DNAH10: variants seen among roughly 807,000 people sequenced by gnomAD.
DNAH10 encodes dynein axonemal heavy chain 10, also known as axonemal beta dynein heavy chain 10.
A neutral mutation model predicts 506.6 loss-of-function variants in DNAH10; 348 were observed. The ratio of observed to expected loss-of-function variants is 0.69; its 90% CI spans 0.63 to 0.75. DNAH10 has a LOEUF of 0.75. DNAH10 is among the 30% of genes least tolerant of loss of function. DNAH10 has a pLI of 0.00. For synonymous variants in DNAH10, 2,059 were observed against 2,198.6 expected, an observed-to-expected ratio of 0.94 and a Z score of 1.78; for missense variants, 5,179 against 5,787.1, an observed-to-expected ratio of 0.89 and a Z score of 3.41.
chr12:123,800,377 C>T lies in DNAH10; in HGVS notation c.2451C>T (p.Asp817=), dbSNP rs1202337524. The T allele has an allele frequency of 6.2e-7, 1 of 1,612,532 alleles. No individual in the cohort carries two copies. Among genetic ancestry groups the T allele is most frequent in the South Asian group, 1.1e-5 (1 of 90,800 alleles). ...ELARNVALQE[D]KFLRYTAGIQ... ...CAAGAAATGTTGCTCTCCAGGAAGACAAATTCCTTAGGTAAAAAAATTCTT... is the reference window on the plus strand; with the variant it reads ...CAAGAAATGTTGCTCTCCAGGAAGATAAATTCCTTAGGTAAAAAAATTCTT... The change falls in exon 15 of 79, where the codon GAC becomes GAT. Residue 817 remains aspartate, a synonymous_variant. Transcript: ENST00000673944.
intron 5 of DNAH10, 78 bp from the exon 6 acceptor site, chr12:123,781,002 C>T: frequency 2.3e-6 from 2 of 888,016 alleles, no homozygotes; most frequent in Non-Finnish European, 3.2e-6. Flanking sequence ...AAAGAATATT[C>T]AAAACCAGAG....
rs1296820409 is a variant in DNAH10, at chr12:123,820,719, T to C, written c.4140T>C (p.Ser1380=). ...PELLKVQKEM[S]GLRMIYELYE... is the part of the protein sequence containing the mutation. ...TGCTGAAAGTGCAGAAGGAAATGAG[T>C]GGGCTGAGGATGATTTACGAGCTCT... Residue 1380 remains serine, a synonymous_variant, in exon 24 of 79, where the codon AGT becomes AGC. Coordinates refer to ENST00000673944, the MANE Select transcript of DNAH10 (RefSeq NM_001372106.1). The C allele has an allele frequency of 3.7e-6, 6 of 1,613,606 alleles. No homozygotes were observed. The highest frequency in any genetic ancestry group is 4.5e-5 in the East Asian group (2 of 44,874).
rs759880079 is a variant in DNAH10 at position 123,833,182 on chromosome 12, A to G, written c.4614A>G (p.Thr1538=). ...CTGTAGTCAAGTATTGCAAAGGCAC[A>G]CAGGAGCGAGGCTACATCCTGGGTT... ...KFTVVKYCKG[T]QERGYILGSV... Residue 1538 remains threonine (T), a synonymous_variant, in exon 27 of 79, where the codon ACA becomes ACG. Transcript: ENST00000673944. 6.2e-6 allele frequency: 10 copies of G among 1,613,502 alleles called. No homozygotes were observed. The South Asian group carries it at 9.9e-5, about 16-fold the overall frequency.
chr12:123,788,096 C>G (rs914315044), intron 10 of DNAH10, 94 bp downstream of exon 10: 3 of 1,396,484 alleles, frequency 2.1e-6, no homozygotes, highest in Middle Eastern at 2.4e-4. Flanking sequence ...AGCTGGGCGT[C>G]AGAAAGGGCC....
intron 51 of DNAH10, among the ~76,000 whole-genome samples, chr12:123,886,636 G>A (rs1468537609): frequency 1.3e-5 from 2 of 151,390 alleles, no homozygotes; most frequent in South Asian, 2.1e-4. Flanking sequence ...GGTTGAGGGA[G>A]GTAGGGAACA....
intron 5 of DNAH10, among the ~76,000 whole-genome samples, chr12:123,776,180 C>G (rs1232556816): frequency 6.6e-6 from 1 of 151,948 alleles, no homozygotes; most frequent in African/African-American, 2.4e-5. Flanking sequence ...CAAACCACAT[C>G]AAGGGTGATG....
intron 65 of DNAH10, chr12:123,923,127 A>G (rs1157145748): frequency 6.6e-6 from 1 of 152,210 alleles, no homozygotes; most frequent in Non-Finnish European, 1.5e-5. Flanking sequence ...TTTTGCATCC[A>G]TTAATAAAGA....
chr12:123,803,849 C>A (rs1425554154), intron 17 of DNAH10, 24 bp downstream of exon 17: 1 of 1,597,752 alleles, frequency 6.3e-7, no homozygotes, highest in African/African-American at 1.4e-5. Flanking sequence ...CTGGGTTCTC[C>A]AGTTATGGAA....
In DNAH10 at chr12:123,800,268, C is replaced by T. The variant is rs767358777; in HGVS notation, c.2342C>T (p.Ala781Val). 32 of 1,613,856 alleles carry T rather than the reference C, an allele frequency of 2.0e-5. No individual in the cohort carries two copies. The highest frequency in any genetic ancestry group is 2.5e-5 in the Non-Finnish European group (29 of 1,179,962). Reference sequence around the variant, plus strand: ...ACTTTAGAAAGGGGAGCTGTTTTTGCAATCAACTTTTCACCGGCTCTCAGA... The same window carrying T: ...ACTTTAGAAAGGGGAGCTGTTTTTGTAATCAACTTTTCACCGGCTCTCAGA... ...PSTLERGAVFAINFSPALREI... is the reference protein window; with the variant it reads ...PSTLERGAVFVINFSPALREI... Residue 781 changes from alanine (A) to valine (V), a missense_variant, in exon 15 of 79, where the codon GCA becomes GTA. Transcript: ENST00000673944.
At chr12:123,797,930 G>A (rs563130650) in intron 13 of DNAH10, among the ~76,000 whole-genome samples, 5 of 152,212 alleles carry the variant, frequency 3.3e-5, no homozygotes, top group South Asian at 2.1e-4. Context: ...TCTCTGCAAC[G>A]ACTCAACCTG....
chr12:123,793,431 T>C (rs972249862), intron 11 of DNAH10, among the ~76,000 whole-genome samples: 3 of 150,908 alleles, frequency 2.0e-5, no homozygotes, highest in Non-Finnish European at 4.4e-5. Flanking sequence ...CTCCACCTCC[T>C]GGGTTCACAC....
chr12:123,766,037 T>G (rs933843827), intron 1 of DNAH10, among the ~76,000 whole-genome samples: 2 of 152,108 alleles, frequency 1.3e-5, no homozygotes, highest in African/African-American at 4.8e-5. Flanking sequence ...TCTATCTCTG[T>G]CTATACATCT....
chr12:123,914,976 AAAG>A lies in DNAH10; in HGVS notation c.10701_10703del (p.Glu3569del), dbSNP rs766186745. ...GCAGGCCCTCAACTGGATCAAGAGA[AAAG>A]AGGAGAAGAACAATCTGCGGGTATG... On this transcript the variant is annotated inframe_deletion, in exon 62 of 79. Coordinates refer to ENST00000673944, the MANE Select transcript of DNAH10 (RefSeq NM_001372106.1). 9.9e-6 allele frequency: 16 copies of A among 1,610,148 alleles called. No homozygotes were observed. The highest frequency in any genetic ancestry group is 1.3e-5 in the Non-Finnish European group (15 of 1,178,270).
Position 123,846,286 on chromosome 12 carries a change from T to C in DNAH10, c.5814+132T>C. ...TTGCTTTGAAATCTCGAAAAGCTTT[T>C]CCATTTGGGATGTGACCAGATTGTC... On this transcript the variant is annotated intron_variant, in intron 32 of 78. Transcript: ENST00000673944. This position sits in a 1 kb window ranked among gnomAD's most constrained non-coding sequence, Gnocchi z 4.5. The C allele has an allele frequency of 1.6e-6, 2 of 1,236,220 alleles. No homozygotes were observed. The highest frequency in any genetic ancestry group is 3.2e-5 in the South Asian group (2 of 62,534). 76.6% of individuals were successfully genotyped at this position (1,236,220 alleles called of 1,614,324 possible).
At chr12:123,912,390 G>T (rs1240769310) in intron 59 of DNAH10, among the ~76,000 whole-genome samples, 1 of 42,498 alleles carries the variant, frequency 2.4e-5, no homozygotes, top group South Asian at 1.1e-3. Flanking sequence ...TCCCGGGGGG[G>T]TCTGTCCTGG....
intron 29 of DNAH10, among the ~76,000 whole-genome samples, chr12:123,839,730 T>C (rs1413983067): frequency 6.7e-6 from 1 of 148,216 alleles, no homozygotes; most frequent in East Asian, 2.0e-4. Context: ...TGGCGCGATC[T>C]CCACTCACTG....
In DNAH10 at chr12:123,848,735, G is replaced by C. The variant is rs1951050450; in HGVS notation, c.5955G>C (p.Val1985=). 1 of 1,613,946 alleles carries C rather than the reference G, an allele frequency of 6.2e-7. No individual in the cohort carries two copies. Among genetic ancestry groups the C allele is most frequent in the Non-Finnish European group, 8.5e-7 (1 of 1,179,860 alleles). ...NCGEGMDYRA[V]GKIFSGLAQC... is the part of the protein sequence containing the mutation. The stretch of plus-strand genomic sequence containing the variant: ...TGACATGTCTTTCTTCCTAGGCCGT[G>C]GGGAAGATTTTCTCTGGCCTGGCAC... The change falls in exon 34 of 79, where the codon GTG becomes GTC. Residue 1985 remains valine (V), a synonymous_variant. Coordinates refer to ENST00000673944, the MANE Select transcript of DNAH10 (RefSeq NM_001372106.1).
At chr12:123,800,651 C>T (rs1209920109) in intron 15 of DNAH10, among the ~76,000 whole-genome samples, 1 of 148,718 alleles carries the variant, frequency 6.7e-6, no homozygotes, top group Non-Finnish European at 1.5e-5. Context: ...GCTCTATCTC[C>T]AGCCTGGGAG....
chr12:123,764,656 C>T lies in DNAH10; in HGVS notation c.214+2106C>T, dbSNP rs535749157. On this transcript the variant is annotated intron_variant, in intron 1 of 78. Transcript: ENST00000673944. ...GTGTGGAAGCAGAGTTCAGTCTCAC[C>T]TCAGAGGGTCCCCCTGGTTAATTCC... Among the ~76,000 whole-genome samples the T allele has an allele frequency of 4.7e-4, 72 of 152,282 alleles. 1 individual carries two copies. The highest frequency in any genetic ancestry group is 1.8e-4 in the Non-Finnish European group (12 of 68,026).
Sources: allele counts gnomAD v4.1 joint callset (sites outside exome capture counted in the v4.1 genomes callset), GRCh38; gene constraint gnomAD v4.1.1; non-coding constraint Gnocchi (gnomAD v3.1); transcripts MANE v1.5; gene names NCBI Gene and HGNC (gene_info 2026-07-23, HGNC 2026-07-21).